The following SRCIN1 variants were observed in gnomAD, a reference collection of about 807,000 sequenced individuals.
SRCIN1 encodes the protein SRC kinase signaling inhibitor 1, also known as P130Cas-associated protein.
SRCIN1 carries 50 observed loss-of-function variants against 116.2 expected under a neutral mutation model. That is an observed-to-expected ratio of 0.43 (90% CI 0.34 to 0.54). The LOEUF is 0.54. Among genes scored for constraint, SRCIN1 ranks in the 20% least tolerant of loss-of-function variants. The pLI is 0.02. For missense variants in SRCIN1, 1,446 were observed against 1,672.0 expected (o/e 0.86, Z 2.36); for synonymous variants, 736 against 750.0 (o/e 0.98, Z 0.30).
intron 18 of SRCIN1, among the ~76,000 whole-genome samples, chr17:38,540,991 G>A (rs976552681): frequency 2.8e-4 from 42 of 152,090 alleles, no homozygotes; most frequent in African/African-American, 8.0e-4. Context: ...TGTAATCCCA[G>A]CAGTTTGGAA....
Position 38,562,177 on chromosome 17 carries a change from C to A in SRCIN1, c.986G>T (p.Arg329Leu). ...GLQSGSPSRS[R>L]LSYAGGRPPS... ...CGGGCGCCCCCCGGCGTACGATAGGCGCGAACGCGACGGCGAACCGGACTG... is the reference window on the plus strand; with the variant it reads ...CGGGCGCCCCCCGGCGTACGATAGGAGCGAACGCGACGGCGAACCGGACTG... Residue 329 changes from arginine to leucine, a missense_variant, in exon 7 of 19, where the codon CGC (arginine) becomes CTC (leucine). By Grantham distance (102) the Arg-to-Leu change is moderately radical. Around this residue, in one of 5 missense-constraint regions of SRCIN1, gnomAD observed 239 missense variants for 317.7 expected, o/e 0.75. Coordinates refer to ENST00000617146, the MANE Select transcript of SRCIN1 (RefSeq NM_025248.3). This position sits in a 1 kb window ranked among gnomAD's most constrained non-coding sequence, Gnocchi z 4.2. The A allele has an allele frequency of 7.2e-7, 1 of 1,388,490 alleles. No homozygotes were observed. The highest frequency in any genetic ancestry group is 9.3e-7 in the Non-Finnish European group (1 of 1,080,920). The allele number at this position is 1,388,490 out of a possible 1,614,324, so 86.0% of individuals were successfully genotyped here.
rs977114871 is a variant in SRCIN1, at chr17:38,532,147, T to A, written c.*1150A>T. The A allele has an allele frequency of 4.6e-5, 7 of 152,294 alleles. No homozygotes were observed. The highest frequency in any genetic ancestry group is 1.4e-4 in the African/African-American group (6 of 41,566). 9.4% of individuals were successfully genotyped at this position (152,294 alleles called of 1,614,324 possible). On this transcript the variant is annotated 3_prime_UTR_variant, in exon 19 of 19. Coordinates refer to ENST00000617146, the MANE Select transcript of SRCIN1 (RefSeq NM_025248.3). This position sits in a 1 kb window ranked among gnomAD's most constrained non-coding sequence, Gnocchi z 4.3. ...CAGGCCTCAGGGACCTTCAGACATC[T>A]CACCAGGGTCACCAGAGCCCCATTG...
Position 38,568,326 on chromosome 17 carries a change from TC to T in SRCIN1, c.325-96del, listed in dbSNP as rs1474612285. On this transcript the variant is annotated intron_variant, in intron 2 of 18. Coordinates refer to ENST00000617146, the MANE Select transcript of SRCIN1 (RefSeq NM_025248.3). This position sits in a 1 kb window ranked among gnomAD's most constrained non-coding sequence, Gnocchi z 4.5. ...GTTAGAGACCCTTGGAACTCAGCAC[TC>T]AGCCCTAGGACAAGGGCCCTCCACC... The T allele has an allele frequency of 3.6e-5, 47 of 1,302,522 alleles. 1 individual carries two copies. Among genetic ancestry groups the T allele is most frequent in the Non-Finnish European group, 5.1e-5 (47 of 915,996 alleles). 80.7% of individuals were successfully genotyped at this position (1,302,522 alleles called of 1,614,324 possible).
At chr17:38,548,960 AG>A in intron 16 of SRCIN1, 95 bp downstream of exon 16, 12 of 1,386,486 alleles carry the variant, frequency 8.7e-6, no homozygotes, top group Non-Finnish European at 1.2e-5. Context: ...TCTCTGAGAA[AG>A]GGGTCTCTTT....
Position 38,568,315 on chromosome 17 carries a change from GA to G in SRCIN1, c.325-85del. On this transcript the variant is annotated intron_variant, in intron 2 of 18. Transcript: ENST00000617146. The surrounding 1 kb of genome is among the most constrained non-coding windows in gnomAD (Gnocchi z 4.5). ...GGCAGGGGCAGGTTAGAGACCCTTG[GA>G]ACTCAGCACTCAGCCCTAGGACAAG... 1 of 1,411,658 alleles carries G rather than the reference GA, an allele frequency of 7.1e-7. No individual in the cohort carries two copies. The highest frequency in any genetic ancestry group is 1.2e-5 in the South Asian group (1 of 82,696). The allele number at this position is 1,411,658 out of a possible 1,614,324, so 87.4% of individuals were successfully genotyped here. A position where few individuals can be genotyped will look rare whatever the true frequency, so the allele number is the denominator to read the frequency against.
chr17:38,584,033 G>A (rs1208366128), intron 1 of SRCIN1, among the ~76,000 whole-genome samples: 1 of 152,198 alleles, frequency 6.6e-6, no homozygotes, highest in East Asian at 1.9e-4. Flanking sequence ...CTAGCAAGCG[G>A]ATCCAGGCAC....
intron 17 of SRCIN1, 92 bp downstream of exon 17, chr17:38,548,465 T>C (rs1905192917): frequency 1.3e-6 from 2 of 1,515,234 alleles, no homozygotes; most frequent in South Asian, 2.3e-5. Context: ...AGAGCCCATC[T>C]TCTGCCTCAT....
chr17:38,599,509 C>T (rs1908904657), intron 1 of SRCIN1, among the ~76,000 whole-genome samples: 1 of 152,140 alleles, frequency 6.6e-6, no homozygotes, highest in Non-Finnish European at 1.5e-5. Context: ...CACTAGTCTA[C>T]GGGTGCTCAC....
chr17:38,541,104 T>G (rs1443997358), intron 18 of SRCIN1, among the ~76,000 whole-genome samples: 2 of 151,684 alleles, frequency 1.3e-5, no homozygotes, highest in African/African-American at 4.8e-5. Flanking sequence ...CCAGGCTTGG[T>G]GGTGGGCGCC....
Position 38,604,835 on chromosome 17 carries a change from AGCC to A in SRCIN1, c.22+846_22+848del, listed in dbSNP as rs1419859540. 1.0e-5 allele frequency among the ~76,000 whole-genome samples: 1 copy of A among 99,728 alleles called. No individual in the cohort carries two copies. Among genetic ancestry groups the A allele is most frequent in the Non-Finnish European group, 2.0e-5 (1 of 50,832 alleles). 65.4% of individuals were successfully genotyped at this position (99,728 alleles called of 152,430 possible). A position where few individuals can be genotyped will look rare whatever the true frequency, so the allele number is the denominator to read the frequency against. ...TTCCCAGCCCCACCCTCCACCCCTC[AGCC>A]GCCTGCCTTCCCTATCTTCTCACTC... On this transcript the variant is annotated intron_variant, in intron 1 of 18. Coordinates refer to ENST00000617146, the MANE Select transcript of SRCIN1 (RefSeq NM_025248.3). The surrounding 1 kb of genome is among the most constrained non-coding windows in gnomAD (Gnocchi z 4.3).
intron 9 of SRCIN1, 116 bp from the exon 10 acceptor site, chr17:38,559,888 G>T: frequency 7.2e-7 from 1 of 1,393,146 alleles, no homozygotes; most frequent in Non-Finnish European, 9.7e-7. Context: ...AGAAGCCCGT[G>T]GCTCTACCTG....
chr17:38,536,435 G>A (rs1904385103), intron 18 of SRCIN1, among the ~76,000 whole-genome samples: 1 of 152,360 alleles, frequency 6.6e-6, no homozygotes, highest in South Asian at 2.1e-4. Context: ...CACATGTCCA[G>A]CTTTCAGCTG....
chr17:38,597,841 C>A (rs1044117514), intron 1 of SRCIN1, among the ~76,000 whole-genome samples: 1 of 152,206 alleles, frequency 6.6e-6, no homozygotes, highest in African/African-American at 2.4e-5. Context: ...TCGGCTCTGC[C>A]TCGTCCTAAG....
intron 18 of SRCIN1, among the ~76,000 whole-genome samples, chr17:38,536,280 T>A (rs559692742): frequency 6.6e-6 from 1 of 152,258 alleles, no homozygotes. Context: ...GACCCCAGCC[T>A]GTGCTGCTAA....
At chr17:38,581,057 C>T (rs1284445796) in intron 1 of SRCIN1, among the ~76,000 whole-genome samples, 3 of 152,044 alleles carry the variant, frequency 2.0e-5, no homozygotes, top group African/African-American at 7.2e-5. Context: ...CTGGTCTCAA[C>T]CTCCTAGGCT....
In SRCIN1 at chr17:38,562,907, G is replaced by C; in HGVS notation, c.754C>G (p.Arg252Gly). ...TTTCTGTAGATCTTGATAATACTGC[G>C]GTCCTGGATGTCCCTGGGAGAGGCG... The part of the protein sequence containing the change: ...ELEDVRDIQD[R>G]SIIKIYRKEP... Residue 252 changes from arginine (R) to glycine (G), a missense_variant, in exon 6 of 19, where the codon CGC (arginine) becomes GGC (glycine). This residue lies in a region of SRCIN1 where 239 missense variants were observed against 317.7 expected (regional missense o/e 0.75). Coordinates refer to ENST00000617146, the MANE Select transcript of SRCIN1 (RefSeq NM_025248.3). This position sits in a 1 kb window ranked among gnomAD's most constrained non-coding sequence, Gnocchi z 4.2. The C allele has an allele frequency of 6.2e-7, 1 of 1,613,620 alleles. No individual in the cohort carries two copies. Among genetic ancestry groups the C allele is most frequent in the Non-Finnish European group, 8.5e-7 (1 of 1,179,710 alleles).
In SRCIN1 at chr17:38,587,533, A is replaced by G. The variant is rs369502650; in HGVS notation, c.23-8742T>C. Among the ~76,000 whole-genome samples, 159 of 152,054 alleles carry G rather than the reference A, an allele frequency of 1.0e-3. 2 individuals are homozygous for G. The South Asian group carries it at 0.012, about 11-fold the overall frequency. On this transcript the variant is annotated intron_variant, in intron 1 of 18. Transcript: ENST00000617146. ...ACACCCAGAGTACAAGCCTGACCCA[A>G]TCTGCAGGAGCTGAAGGCAGAGCCC...
chr17:38,533,104 A>AAAC lies in SRCIN1; in HGVS notation c.*192_*193insGTT, dbSNP rs1555603725. On this transcript the variant is annotated 3_prime_UTR_variant, in exon 19 of 19. Transcript: ENST00000617146. The stretch of plus-strand genomic sequence containing the variant: ...ATTAAAAGTTAATTGTTAAAAAAAA[A>AAAC]AAAAAAAACAAAACCAAAAACACCA... The AAAC allele has an allele frequency of 3.8e-4, 163 of 425,702 alleles. 1 individual carries two copies. Among genetic ancestry groups the AAAC allele is most frequent in the African/African-American group, 3.1e-3 (145 of 46,818 alleles). 26.4% of individuals were successfully genotyped at this position (425,702 alleles called of 1,614,324 possible). A position where few individuals can be genotyped will look rare whatever the true frequency, so the allele number is the denominator to read the frequency against.
At chr17:38,574,060 G>A (rs987177085) in intron 2 of SRCIN1, among the ~76,000 whole-genome samples, 1 of 152,208 alleles carries the variant, frequency 6.6e-6, no homozygotes, top group East Asian at 1.9e-4. Flanking sequence ...GTCCTCTGGG[G>A]GAAGCAGGGT....
Sources: gnomAD v4.1 joint callset for allele counts (sites outside exome capture counted in the v4.1 genomes callset) on GRCh38, gnomAD v4.1.1 for gene constraint, gnomAD v4.1.1 regional missense constraint, Gnocchi (gnomAD v3.1) non-coding constraint, MANE v1.5 for transcripts, NCBI Gene and HGNC (gene_info 2026-07-23, HGNC 2026-07-21) for gene names.